LRMDA: variants seen among roughly 807,000 people sequenced by gnomAD.
The protein encoded by LRMDA is leucine-rich melanocyte differentiation-associated protein.
LRMDA carries 18 observed loss-of-function variants against 29.8 expected under a neutral mutation model. The observed-to-expected ratio is 0.60, with a 90% CI of 0.42 to 0.90. The LOEUF (loss-of-function observed/expected upper bound fraction) is 0.90, where lower values mean the gene tolerates loss of function less well. Ranked by LOEUF, LRMDA falls within the 40% of genes least tolerant of loss-of-function variation. The pLI, the probability that LRMDA is intolerant of heterozygous loss-of-function variation, is 0.00. For synonymous variants in LRMDA, 125 were observed against 109.4 expected, an observed-to-expected ratio of 1.14 and a Z score of -0.89; for missense variants, 273 against 273.9, an observed-to-expected ratio of 1.00 and a Z score of 0.02.
In LRMDA at chr10:76,368,448, A is replaced by T. The variant is rs559289358; in HGVS notation, c.601+43963A>T. Among the ~76,000 whole-genome samples, 4 of 152,192 alleles carry T rather than the reference A, an allele frequency of 2.6e-5. No homozygotes were observed. In the East Asian group the frequency reaches 7.7e-4, roughly 29 times the overall value. ...TGGATTTGATTTCCAGTTTTATTCCACTGTGGTCTGAGAGAGTACTTGATA... is the reference window on the plus strand; with the variant it reads ...TGGATTTGATTTCCAGTTTTATTCCTCTGTGGTCTGAGAGAGTACTTGATA... On this transcript the variant is annotated intron_variant, in intron 6 of 6. Transcript: ENST00000611255.
intron 5 of LRMDA, among the ~76,000 whole-genome samples, chr10:76,283,425 C>G (rs1840231110): frequency 6.6e-6 from 1 of 152,138 alleles, no homozygotes; most frequent in Non-Finnish European, 1.5e-5. Context: ...ATGAATGAGA[C>G]AAGTGCTTGA....
Position 76,235,375 on chromosome 10 carries a change from C to T in LRMDA, c.517-89026C>T, listed in dbSNP as rs576030300. ...TAATGAAAAAGTTTGAAATGTTACC[C>T]AAATTACCAAAATGTAACCCAGAGA... On this transcript the variant is annotated intron_variant, in intron 5 of 6. Coordinates refer to ENST00000611255, the MANE Select transcript of LRMDA (RefSeq NM_001305581.2). Among the ~76,000 whole-genome samples the T allele has an allele frequency of 3.3e-5, 5 of 152,166 alleles. No homozygotes were observed. The East Asian group carries it at 9.6e-4, about 29-fold the overall frequency.
At chr10:76,538,501 TATA>T (rs1843315597) in intron 6 of LRMDA, among the ~76,000 whole-genome samples, 1 of 147,082 alleles carries the variant, frequency 6.8e-6, no homozygotes, top group Non-Finnish European at 1.5e-5. Context: ...GTTATATATG[TATA>T]TATATATGTA....
In LRMDA at chr10:75,796,308, C is replaced by G. The variant is rs1435942016; in HGVS notation, c.132-239700C>G. 3.9e-5 allele frequency among the ~76,000 whole-genome samples: 6 copies of G among 152,202 alleles called. No homozygotes were observed. The East Asian group carries it at 1.2e-3, about 29-fold the overall frequency. Reference sequence around the variant, plus strand: ...TTTATTATTTTATCATATGTATTATCTTTGATGTAGAAGTTCTTACATGCC... The same window carrying G: ...TTTATTATTTTATCATATGTATTATGTTTGATGTAGAAGTTCTTACATGCC... On this transcript the variant is annotated intron_variant, in intron 2 of 6. Coordinates refer to ENST00000611255, the MANE Select transcript of LRMDA (RefSeq NM_001305581.2).
intron 2 of LRMDA, among the ~76,000 whole-genome samples, chr10:76,008,764 C>T (rs1475202835): frequency 1.3e-5 from 2 of 152,216 alleles, no homozygotes; most frequent in Non-Finnish European, 2.9e-5. Context: ...GAGAAAGGGC[C>T]CATCTTTAAG....
intron 2 of LRMDA, among the ~76,000 whole-genome samples, chr10:75,895,733 A>G (rs1021015378): frequency 2.0e-5 from 3 of 152,232 alleles, no homozygotes. Flanking sequence ...AGGGTTTAGA[A>G]CAGCACGTGA....
chr10:75,541,872 A>T (rs1220499398), intron 2 of LRMDA, among the ~76,000 whole-genome samples: 1 of 152,148 alleles, frequency 6.6e-6, no homozygotes, highest in African/African-American at 2.4e-5. Flanking sequence ...TGAGGGGGAC[A>T]TGTCTCTCCC....
At chr10:76,206,064 T>A (rs1851528137) in intron 5 of LRMDA, among the ~76,000 whole-genome samples, 1 of 152,156 alleles carries the variant, frequency 6.6e-6, no homozygotes, top group Admixed American at 6.5e-5. Context: ...ATCCTCTCCT[T>A]CCTCCCGTCG....
chr10:75,592,094 A>AGGG (rs1171381301), intron 2 of LRMDA, among the ~76,000 whole-genome samples: 2 of 151,974 alleles, frequency 1.3e-5, no homozygotes, highest in African/African-American at 4.8e-5. Context: ...ACCCAGGCAG[A>AGGG]GGGGACAGCA....
intron 2 of LRMDA, among the ~76,000 whole-genome samples, chr10:75,608,504 A>T (rs1840987684): frequency 6.6e-6 from 1 of 152,174 alleles, no homozygotes; most frequent in South Asian, 2.1e-4. Flanking sequence ...CACACAAAAA[A>T]TGGTAACTAT....
At chr10:75,840,111 C>T (rs1844513193) in intron 2 of LRMDA, among the ~76,000 whole-genome samples, 1 of 152,172 alleles carries the variant, frequency 6.6e-6, no homozygotes, top group Non-Finnish European at 1.5e-5. Flanking sequence ...TACCCTGTAT[C>T]ATCCAATTCT....
intron 2 of LRMDA, among the ~76,000 whole-genome samples, chr10:75,486,473 A>G (rs1008495639): frequency 2.6e-5 from 4 of 152,170 alleles, no homozygotes; most frequent in African/African-American, 7.2e-5. Flanking sequence ...TTCACCTTGA[A>G]TGTATTAAGG....
At chr10:76,112,829 TTC>T (rs997648623) in intron 5 of LRMDA, among the ~76,000 whole-genome samples, 1 of 152,176 alleles carries the variant, frequency 6.6e-6, no homozygotes. Flanking sequence ...TGGTTGCTGC[TTC>T]TCTCTCTCTT....
intron 5 of LRMDA, among the ~76,000 whole-genome samples, chr10:76,213,177 C>G (rs1851666853): frequency 6.6e-6 from 1 of 152,216 alleles, no homozygotes; most frequent in Admixed American, 6.5e-5. Context: ...TTGAGGATGT[C>G]ATTGGCTAAT....
At chr10:75,832,151 G>A (rs1589222243) in intron 2 of LRMDA, among the ~76,000 whole-genome samples, 1 of 152,130 alleles carries the variant, frequency 6.6e-6, no homozygotes, top group Non-Finnish European at 1.5e-5. Flanking sequence ...GCATCATCAG[G>A]CTACAAATTT....
intron 2 of LRMDA, among the ~76,000 whole-genome samples, chr10:75,899,916 C>G (rs550814380): frequency 1.3e-5 from 2 of 152,318 alleles, no homozygotes; most frequent in East Asian, 3.9e-4. Flanking sequence ...GAAGACCTGT[C>G]TCTATTAATT....
At chr10:75,763,468 T>C (rs940510604) in intron 2 of LRMDA, among the ~76,000 whole-genome samples, 2 of 152,212 alleles carry the variant, frequency 1.3e-5, no homozygotes, top group African/African-American at 4.8e-5. Context: ...TTTCATTTTT[T>C]AAAGACTAAA....
At chr10:76,051,681 A>G (rs1305202615) in intron 4 of LRMDA, among the ~76,000 whole-genome samples, 5 of 152,236 alleles carry the variant, frequency 3.3e-5, no homozygotes, top group Non-Finnish European at 7.3e-5. Context: ...CAAGCAAGGT[A>G]ACATTTGAAA....
intron 5 of LRMDA, among the ~76,000 whole-genome samples, chr10:76,187,254 T>A (rs1851166431): frequency 6.6e-6 from 1 of 152,172 alleles, no homozygotes. Flanking sequence ...AAGAAAATCA[T>A]TGTATGTTAA....
Sources: allele counts gnomAD v4.1 joint callset (sites outside exome capture counted in the v4.1 genomes callset), GRCh38; gene constraint gnomAD v4.1.1; transcripts MANE v1.5; gene names NCBI Gene and HGNC (gene_info 2026-07-23, HGNC 2026-07-21).